Variants in ADAP1 observed in about 807,000 individuals in gnomAD.
ADAP1 encodes arf-GAP with dual PH domain-containing protein 1.
A neutral mutation model predicts 54.9 loss-of-function variants in ADAP1; 31 were observed. The ratio of observed to expected loss-of-function variants is 0.56; its 90% confidence interval spans 0.42 to 0.76. ADAP1 has a LOEUF of 0.76. Ranked by LOEUF, ADAP1 falls within the 30% of genes least tolerant of loss-of-function variation. The pLI, the probability that ADAP1 is intolerant of heterozygous loss-of-function variation, is 0.00. For synonymous variants in ADAP1, 313 were observed against 202.6 expected (o/e 1.55, Z -4.63); for missense variants, 535 against 512.4 (o/e 1.04, Z -0.42).
chr7:925,483 A>C (rs1846350915), intron 3 of ADAP1, among the ~76,000 whole-genome samples: 3 of 137,480 alleles, frequency 2.2e-5, no homozygotes, highest in Non-Finnish European at 4.7e-5. Flanking sequence ...CTATCCCCCA[A>C]CCCCCACCCG....
chr7:911,571 G>A lies in ADAP1; in HGVS notation c.389-6399C>T, dbSNP rs1030067635. ...TCACACGGAGGGCCAGGAAGGGGGC[G>A]GGGGTCCCACGGAGGGCCAGGAAGG... On this transcript the variant is annotated intron_variant, in intron 4 of 10. Coordinates refer to ENST00000265846, the MANE Select transcript of ADAP1 (RefSeq NM_006869.4). Among the ~76,000 whole-genome samples the A allele has an allele frequency of 9.5e-4, 140 of 146,988 alleles. 4 individuals are homozygous for A. The highest frequency in any genetic ancestry group is 1.5e-3 in the East Asian group (7 of 4,612).
At chr7:935,881 G>C (rs1481493463) in intron 1 of ADAP1, among the ~76,000 whole-genome samples, 1 of 152,218 alleles carries the variant, frequency 6.6e-6, no homozygotes, top group Non-Finnish European at 1.5e-5. Context: ...CGCTGCCCTG[G>C]GAGAAGTCTG....
At position 905,391 on chromosome 7, in the gene ADAP1, GAGAAAGGAGAAAGGAGAAAGGGAGAAAGA is replaced by G. The variant is rs1845109094; in HGVS notation, c.389-248_389-220del. The G allele has an allele frequency of 2.4e-5, 6 of 250,874 alleles. 1 individual carries two copies. Among genetic ancestry groups the G allele is most frequent in the East Asian group, 2.4e-4 (3 of 12,694 alleles). The allele number at this position is 250,874 out of a possible 1,614,324, so 15.5% of individuals were successfully genotyped here. Reference sequence around the variant, plus strand: ...GAAAGGGAAAGGAGAAAGGAGAAAGGAGAAAGGAGAAAGGAGAAAGGGAGAAAGAGAAAGGAGAAAGGAGAAAGGGAGAA... The same window carrying G: ...GAAAGGGAAAGGAGAAAGGAGAAAGGGAAAGGAGAAAGGAGAAAGGGAGAA... On this transcript the variant is annotated intron_variant, in intron 4 of 10. Coordinates refer to ENST00000265846, the MANE Select transcript of ADAP1 (RefSeq NM_006869.4).
At chr7:928,089 G>A (rs545782455) in intron 2 of ADAP1, among the ~76,000 whole-genome samples, 89 of 150,696 alleles carry the variant, frequency 5.9e-4, no homozygotes, top group African/African-American at 2.0e-3. Context: ...GTGTGATGGC[G>A]CACACCTGTA....
At chr7:952,845 G>T (rs1376310995) in intron 1 of ADAP1, among the ~76,000 whole-genome samples, 2 of 152,196 alleles carry the variant, frequency 1.3e-5, no homozygotes, top group Non-Finnish European at 2.9e-5. Flanking sequence ...AACAGCTCTG[G>T]GGTGGGCCAG....
At chr7:906,768 T>TCA (rs1554272472) in intron 4 of ADAP1, among the ~76,000 whole-genome samples, 1 of 24,706 alleles carries the variant, frequency 4.0e-5, no homozygotes, top group African/African-American at 1.2e-4. Flanking sequence ...ACAGGGGACA[T>TCA]GGGGGACAGG....
rs1562915778 is a variant in ADAP1, at chr7:906,800, G to GA, written c.389-1629_389-1628insT. Among the ~76,000 whole-genome samples, 15 of 78,012 alleles carry GA rather than the reference G, an allele frequency of 1.9e-4. 1 individual carries two copies. Among genetic ancestry groups the GA allele is most frequent in the East Asian group, 4.8e-4 (1 of 2,068 alleles). The allele number at this position is 78,012 out of a possible 152,430, so 51.2% of individuals were successfully genotyped here. A position where few individuals can be genotyped will look rare whatever the true frequency, so the allele number is the denominator to read the frequency against. On this transcript the variant is annotated intron_variant, in intron 4 of 10. Transcript: ENST00000265846. ...CAGGGGACACGGGGGACGGGACAGG[G>GA]GACATGGGGGGACATGGGTCAGATG...
chr7:905,192 C>T lies in ADAP1; in HGVS notation c.389-20G>A, dbSNP rs199665210. 147 of 1,597,876 alleles carry T rather than the reference C, an allele frequency of 9.2e-5. No individual in the cohort carries two copies. The highest frequency in any genetic ancestry group is 5.1e-4 in the South Asian group (46 of 90,830). ...GGTACCCTGTGGGGGAAAGGGGACA[C>T]GAGTCGGTGACAGTGGATGGGGGGG... On this transcript the variant is annotated intron_variant, in intron 4 of 10. Transcript: ENST00000265846.
At chr7:954,093 G>A (rs1197539860) in intron 1 of ADAP1, among the ~76,000 whole-genome samples, 1 of 152,124 alleles carries the variant, frequency 6.6e-6, no homozygotes, top group Non-Finnish European at 1.5e-5. Context: ...AACGCGGCGG[G>A]CGGTCCGCGG....
Position 933,499 on chromosome 7 carries a change from TCAGTGGTGCTGGAGAGCCGGGG to T in ADAP1, c.213+1854_213+1875del, listed in dbSNP as rs1846651024. On this transcript the variant is annotated intron_variant, in intron 2 of 10. Coordinates refer to ENST00000265846, the MANE Select transcript of ADAP1 (RefSeq NM_006869.4). ...GGTGCTGGAGAGCCGGGGGCCGGGG[TCAGTGGTGCTGGAGAGCCGGGG>T]GCCGGGGGCCGGGGTCAGTGGTGCT... 5.3e-5 allele frequency among the ~76,000 whole-genome samples: 3 copies of T among 56,488 alleles called. No homozygotes were observed. In the South Asian group the frequency reaches 3.3e-3, roughly 63 times the overall value. The allele number at this position is 56,488 out of a possible 152,430, so 37.1% of individuals were successfully genotyped here.
chr7:899,461 G>A lies in ADAP1; in HGVS notation c.825C>T (p.Phe275=). The change falls in exon 9 of 11, where the codon TTC becomes TTT. Residue 275 remains phenylalanine, a synonymous_variant. Coordinates refer to ENST00000265846, the MANE Select transcript of ADAP1 (RefSeq NM_006869.4). ...KQTEGFRKRW[F]TMDDRRLMYF... is the part of the protein sequence containing the mutation. ...ACATGAGCCTGCGGTCATCCATGGT[G>A]AACCAGCGCTTCCGGAAGCCTTCCG... 2.5e-6 allele frequency: 4 copies of A among 1,613,192 alleles called. No homozygotes were observed. The highest frequency in any genetic ancestry group is 3.4e-6 in the Non-Finnish European group (4 of 1,179,920).
rs539968830 is a variant in ADAP1 at position 926,223 on chromosome 7, C to T, written c.305+330G>A. On this transcript the variant is annotated intron_variant, in intron 3 of 10. Transcript: ENST00000265846. The surrounding 1 kb of genome is among the most constrained non-coding windows in gnomAD (Gnocchi z 4.6). ...GCCCCGAAACAACAGCCGCCCCTCC[C>T]GTTCCCCTCCCAGACCGCCAGGAGC... Among the ~76,000 whole-genome samples the T allele has an allele frequency of 3.0e-3, 458 of 152,232 alleles. 3 individuals are homozygous for T. Among genetic ancestry groups the T allele is most frequent in the African/African-American group, 0.01 (419 of 41,534 alleles).
chr7:900,463 G>C (rs563449257), intron 7 of ADAP1, 70 bp downstream of exon 7: 4 of 1,474,970 alleles, frequency 2.7e-6, no homozygotes, highest in Non-Finnish European at 2.8e-6. Flanking sequence ...CTCAGGGCAC[G>C]AGGGCTCCGT....
At chr7:928,512 T>C (rs1482090755) in intron 2 of ADAP1, among the ~76,000 whole-genome samples, 1 of 152,244 alleles carries the variant, frequency 6.6e-6, no homozygotes, top group African/African-American at 2.4e-5. Flanking sequence ...ACTCCTGGGC[T>C]CAAGCCATCG....
At chr7:905,550 G>GGGAGAAAGGAGAAAGGAGAAAGGGAAA (rs1845163588) in intron 4 of ADAP1, 2 of 6,090 alleles carry the variant, frequency 3.3e-4, no homozygotes, top group African/African-American at 1.1e-3. Flanking sequence ...GAAGGGAGAA[G>GGGAGAAAGGAGAAAGGAGAAAGGGAAA]GGAGAAAGGA....
chr7:923,914 G>A (rs998046865), intron 3 of ADAP1, among the ~76,000 whole-genome samples: 18 of 152,158 alleles, frequency 1.2e-4, no homozygotes, highest in African/African-American at 4.3e-4. Flanking sequence ...GCAGACGTGG[G>A]AGGAAGGTGG....
chr7:937,902 C>T (rs983526047), intron 1 of ADAP1, among the ~76,000 whole-genome samples: 6 of 152,178 alleles, frequency 3.9e-5, no homozygotes, highest in South Asian at 2.1e-4. Context: ...AGACCCAGCA[C>T]CCCCGGATCT....
chr7:930,410 G>T (rs963383884), intron 2 of ADAP1, among the ~76,000 whole-genome samples: 1 of 19,788 alleles, frequency 5.1e-5, no homozygotes, highest in Non-Finnish European at 8.1e-5. Context: ...GGGCGCGGTG[G>T]CTCACACCTG....
At chr7:921,547 G>C (rs1244332831) in intron 3 of ADAP1, among the ~76,000 whole-genome samples, 1 of 152,204 alleles carries the variant, frequency 6.6e-6, no homozygotes, top group Non-Finnish European at 1.5e-5. Flanking sequence ...TGGAACTCCT[G>C]AGGCCAATCC....
Sources: gnomAD v4.1 joint callset for allele counts (sites outside exome capture counted in the v4.1 genomes callset) on GRCh38, gnomAD v4.1.1 for gene constraint, Gnocchi (gnomAD v3.1) non-coding constraint, MANE v1.5 for transcripts, NCBI Gene and HGNC (gene_info 2026-07-23, HGNC 2026-07-21) for gene names.